Variants in EPS15L1 observed in about 807,000 individuals in gnomAD.
EPS15L1 encodes the protein epidermal growth factor receptor pathway substrate 15 like 1.
A neutral mutation model predicts 117.1 loss-of-function variants in EPS15L1; 43 were observed. The ratio of observed to expected loss-of-function variants is 0.37; its 90% CI spans 0.29 to 0.47. EPS15L1 has a LOEUF of 0.47. Ranked by LOEUF, EPS15L1 falls within the 20% of genes least tolerant of loss-of-function variation. The pLI is 0.99. For missense variants in EPS15L1, 981 were observed against 1,164.0 expected, an observed-to-expected ratio of 0.84 and a Z score of 2.29; for synonymous variants, 459 against 470.5, an observed-to-expected ratio of 0.98 and a Z score of 0.32.
rs563208548 is a variant in EPS15L1 at position 16,468,431 on chromosome 19, C to T, written c.33+3482G>A. ...CGCGATCTCAGCTCACTGCAACCTC[C>T]GCCGCCTGGTTTCAAGCGATTCTTG... On this transcript the variant is annotated intron_variant, in intron 1 of 23. Transcript: ENST00000455140. 2.0e-5 allele frequency among the ~76,000 whole-genome samples: 3 copies of T among 152,284 alleles called. No individual in the cohort carries two copies. In the South Asian group the frequency reaches 6.2e-4, roughly 32 times the overall value.
chr19:16,429,206 C>G (rs945227196), intron 7 of EPS15L1, among the ~76,000 whole-genome samples: 4 of 152,088 alleles, frequency 2.6e-5, no homozygotes, highest in African/African-American at 9.7e-5. Context: ...GTCTGTGGGT[C>G]TCGTCTCCAC....
chr19:16,438,760 GTCC>G (rs1281847809), intron 4 of EPS15L1, among the ~76,000 whole-genome samples: 1 of 152,070 alleles, frequency 6.6e-6, no homozygotes, highest in Non-Finnish European at 1.5e-5. Context: ...TCAAATTCCT[GTCC>G]TCCTGCCTTA....
At chr19:16,424,099 G>A (rs58135052) in intron 9 of EPS15L1, among the ~76,000 whole-genome samples, 13,818 of 152,180 alleles carry the variant, frequency 0.091, 1,174 homozygotes, top group East Asian at 0.27. Flanking sequence ...GCAGCCACAG[G>A]TCCCAAAGGA....
chr19:16,437,132 C>T, intron 5 of EPS15L1, 133 bp from the exon 6 acceptor site: 1 of 702,172 alleles, frequency 1.4e-6, no homozygotes, highest in South Asian at 1.8e-5. Context: ...AACACAGAAT[C>T]ACCACATGAC....
chr19:16,468,037 G>A (rs2093318868), intron 1 of EPS15L1, among the ~76,000 whole-genome samples: 1 of 152,132 alleles, frequency 6.6e-6, no homozygotes, highest in African/African-American at 2.4e-5. Context: ...TGGGCCCAGG[G>A]CAGTCTCTCC....
intron 22 of EPS15L1, among the ~76,000 whole-genome samples, chr19:16,369,013 A>T (rs1302125480): frequency 1.3e-5 from 2 of 152,156 alleles, no homozygotes; most frequent in African/African-American, 4.8e-5. Context: ...CTGCGGGGAG[A>T]GGGGAGAAAG....
chr19:16,393,850 T>C, intron 18 of EPS15L1, 101 bp downstream of exon 18: 1 of 1,178,536 alleles, frequency 8.5e-7, no homozygotes, highest in South Asian at 1.2e-5. Context: ...GTTACATGGC[T>C]GCCATCCCCG....
At chr19:16,432,634 T>C (rs59825837) in intron 7 of EPS15L1, among the ~76,000 whole-genome samples, 14,666 of 150,960 alleles carry the variant, frequency 0.097, 1,212 homozygotes, top group East Asian at 0.27. Context: ...TAGCCGGCTG[T>C]TGTGGTGCAT....
chr19:16,413,679 C>T (rs143916239), intron 13 of EPS15L1, 94 bp downstream of exon 13: 1 of 1,053,200 alleles, frequency 9.5e-7, no homozygotes, highest in East Asian at 2.4e-5. Flanking sequence ...CCAGGGCAGA[C>T]CCCTGCCCTT....
At chr19:16,391,368 A>C (rs2092472190) in intron 19 of EPS15L1, among the ~76,000 whole-genome samples, 1 of 152,204 alleles carries the variant, frequency 6.6e-6, no homozygotes, top group Non-Finnish European at 1.5e-5. Flanking sequence ...TACAGGTCTT[A>C]AGGACATTAA....
intron 7 of EPS15L1, among the ~76,000 whole-genome samples, chr19:16,431,696 T>C (rs1026194364): frequency 6.6e-6 from 1 of 152,114 alleles, no homozygotes; most frequent in Non-Finnish European, 1.5e-5. Context: ...AAGAGAAGAT[T>C]TGAATGTTCC....
In EPS15L1 at chr19:16,386,151, A is replaced by G. The variant is rs1240069839; in HGVS notation, c.2164+20T>C. The G allele has an allele frequency of 1.3e-6, 2 of 1,595,412 alleles. No homozygotes were observed. The highest frequency in any genetic ancestry group is 2.7e-5 in the African/African-American group (2 of 74,440). On this transcript the variant is annotated intron_variant, in intron 20 of 23. Coordinates refer to ENST00000455140, the MANE Select transcript of EPS15L1 (RefSeq NM_001258374.3). ...CTGCCCAAGGAATAGTCAGGAAGAA[A>G]AATAAGTCATGGGTCTCACCTGATC...
intron 21 of EPS15L1, among the ~76,000 whole-genome samples, chr19:16,379,251 G>A (rs960019588): frequency 6.6e-6 from 1 of 152,154 alleles, no homozygotes; most frequent in Non-Finnish European, 1.5e-5. Flanking sequence ...CTTGCAGTGA[G>A]CTGAGATCCC....
intron 1 of EPS15L1, among the ~76,000 whole-genome samples, chr19:16,467,294 G>A (rs1003171142): frequency 2.0e-5 from 3 of 151,810 alleles, no homozygotes; most frequent in African/African-American, 4.8e-5. Flanking sequence ...GATTACAGGC[G>A]TCCGCCAGGA....
Position 16,413,822 on chromosome 19 carries a change from T to A in EPS15L1, c.1217A>T (p.Asp406Val). ...GATTGCCTCTTCCTTTTCTCGAATG[T>A]CTTGTTCCAGTGAATATTTCTCTCT... ...LQREKYSLEQDIREKEEAIRQ... is the reference protein window; with the variant it reads ...LQREKYSLEQVIREKEEAIRQ... The change falls in exon 13 of 24, where the codon GAC becomes GTC. Residue 406 changes from aspartate to valine, a missense_variant. Coordinates refer to ENST00000455140, the MANE Select transcript of EPS15L1 (RefSeq NM_001258374.3). The A allele has an allele frequency of 6.2e-7, 1 of 1,613,744 alleles. No individual in the cohort carries two copies. The highest frequency in any genetic ancestry group is 1.1e-5 in the South Asian group (1 of 91,066).
intron 4 of EPS15L1, 44 bp from the exon 5 acceptor site, chr19:16,437,909 G>C: frequency 6.9e-7 from 1 of 1,456,872 alleles, no homozygotes; most frequent in South Asian, 1.1e-5. Context: ...CATATCGCCA[G>C]TGAGGGTAGG....
chr19:16,359,876 C>A, intron 23 of EPS15L1, among the ~76,000 whole-genome samples: 1 of 150,972 alleles, frequency 6.6e-6, no homozygotes, highest in East Asian at 1.9e-4. Context: ...TATGTAAAAA[C>A]CAAAAACTTA....
chr19:16,416,246 T>C (rs769877809), intron 12 of EPS15L1, among the ~76,000 whole-genome samples: 5 of 152,136 alleles, frequency 3.3e-5, no homozygotes, highest in Admixed American at 6.5e-5. Flanking sequence ...TTCAGCCAAG[T>C]AAACAATCTC....
At chr19:16,413,412 A>G in intron 13 of EPS15L1, 1 of 723,294 alleles carries the variant, frequency 1.4e-6, no homozygotes, top group South Asian at 1.6e-5. Flanking sequence ...CGACAAGGCC[A>G]CCTTTGATGC....
Sources: gnomAD v4.1 joint callset for allele counts (sites outside exome capture counted in the v4.1 genomes callset) on GRCh38, gnomAD v4.1.1 for gene constraint, MANE v1.5 for transcripts, NCBI Gene and HGNC (gene_info 2026-07-23, HGNC 2026-07-21) for gene names.